Variants in PTPRK observed in about 807,000 individuals in gnomAD.
PTPRK encodes the protein protein tyrosine phosphatase receptor type K, also known as receptor-type tyrosine-protein phosphatase kappa.
In PTPRK, 75 loss-of-function variants were observed where a neutral mutation model predicts 178.0. The ratio of observed to expected loss-of-function variants is 0.42; its 90% CI spans 0.35 to 0.51. The LOEUF is 0.51. PTPRK is among the 20% of genes least tolerant of loss of function. PTPRK has a pLI of 0.02. For synonymous variants in PTPRK, 637 were observed against 620.6 expected (o/e 1.03, Z -0.39); for missense variants, 1,441 against 1,797.8 (o/e 0.80, Z 3.59).
At chr6:128,307,686 C>G (rs1376820961) in intron 3 of PTPRK, among the ~76,000 whole-genome samples, 1 of 152,004 alleles carries the variant, frequency 6.6e-6, no homozygotes, top group Non-Finnish European at 1.5e-5. Context: ...GAAAGAAACA[C>G]AAATATCAGA....
At chr6:128,093,867 T>C (rs1441542120) in intron 7 of PTPRK, among the ~76,000 whole-genome samples, 3 of 151,830 alleles carry the variant, frequency 2.0e-5, no homozygotes, top group Non-Finnish European at 4.4e-5. Context: ...TTATCAAAGA[T>C]GTTAAGCTAA....
chr6:128,136,954 C>A (rs749447407), intron 7 of PTPRK, among the ~76,000 whole-genome samples: 1 of 152,112 alleles, frequency 6.6e-6, no homozygotes, highest in African/African-American at 2.4e-5. Flanking sequence ...TCCAATAGCC[C>A]AGTGCACTAA....
intron 2 of PTPRK, among the ~76,000 whole-genome samples, chr6:128,375,559 C>A (rs1401478819): frequency 6.6e-6 from 1 of 152,118 alleles, no homozygotes; most frequent in Non-Finnish European, 1.5e-5. Flanking sequence ...GGTGGGGACA[C>A]AGCCAGATCA....
intron 3 of PTPRK, among the ~76,000 whole-genome samples, chr6:128,315,097 T>G (rs1372376183): frequency 1.3e-5 from 2 of 152,166 alleles, no homozygotes; most frequent in Admixed American, 6.5e-5. Flanking sequence ...ACTTCATCTC[T>G]TTGTAAGCCT....
chr6:128,269,887 G>A (rs1819530266), intron 3 of PTPRK, among the ~76,000 whole-genome samples: 1 of 152,008 alleles, frequency 6.6e-6, no homozygotes, highest in African/African-American at 2.4e-5. Flanking sequence ...AGGTATTATA[G>A]TCTCCCAAAG....
intron 2 of PTPRK, among the ~76,000 whole-genome samples, chr6:128,360,058 C>G (rs779321342): frequency 2.0e-5 from 3 of 152,056 alleles, no homozygotes; most frequent in Non-Finnish European, 4.4e-5. Context: ...TCTTTATAGG[C>G]AATTTTGTAT....
chr6:128,440,312 G>A (rs912159402), intron 1 of PTPRK, among the ~76,000 whole-genome samples: 1 of 152,110 alleles, frequency 6.6e-6, no homozygotes, highest in Non-Finnish European at 1.5e-5. Flanking sequence ...GGTAGGTTAT[G>A]GATGAGAGCT....
intron 1 of PTPRK, among the ~76,000 whole-genome samples, chr6:128,462,896 A>G (rs531665406): frequency 6.6e-6 from 1 of 152,164 alleles, no homozygotes; most frequent in South Asian, 2.1e-4. Context: ...ACCTTGGGTG[A>G]TCCACCTGCC....
Position 128,164,850 on chromosome 6 carries a change from A to G in PTPRK, c.1162+19582T>C, listed in dbSNP as rs370095845. Among the ~76,000 whole-genome samples, 5 of 150,334 alleles carry G rather than the reference A, an allele frequency of 3.3e-5. No individual in the cohort carries two copies. In the South Asian group the frequency reaches 6.2e-4, roughly 19 times the overall value. On this transcript the variant is annotated intron_variant, in intron 7 of 29. Transcript: ENST00000368226. Reference sequence around the variant, plus strand: ...AATATACATTAGAATGTATGTATATATTAGCATGAAAGCCAAAAAAACCAG... The same window carrying G: ...AATATACATTAGAATGTATGTATATGTTAGCATGAAAGCCAAAAAAACCAG...
At chr6:128,231,004 A>C (rs942390570) in intron 5 of PTPRK, 3 of 152,250 alleles carry the variant, frequency 2.0e-5, no homozygotes, top group Non-Finnish European at 4.4e-5. Flanking sequence ...TCTGCAAGGC[A>C]TTGATCTCTT....
At chr6:128,512,098 G>A (rs1857276106) in intron 1 of PTPRK, among the ~76,000 whole-genome samples, 1 of 152,126 alleles carries the variant, frequency 6.6e-6, no homozygotes, top group Non-Finnish European at 1.5e-5. Flanking sequence ...AAAAGTAACT[G>A]TGAAGTTCTT....
chr6:128,456,290 C>A (rs1848386473), intron 1 of PTPRK, among the ~76,000 whole-genome samples: 1 of 151,950 alleles, frequency 6.6e-6, no homozygotes, highest in Non-Finnish European at 1.5e-5. Flanking sequence ...CACATTCCAG[C>A]CAGGGAGGCA....
chr6:128,470,404 T>A (rs558691715), intron 1 of PTPRK, among the ~76,000 whole-genome samples: 5 of 137,132 alleles, frequency 3.6e-5, no homozygotes, highest in African/African-American at 1.5e-4. Context: ...CTCTAATGCG[T>A]TTTTTTTTAA....
At chr6:128,093,136 C>T (rs1448720473) in intron 7 of PTPRK, among the ~76,000 whole-genome samples, 3 of 152,162 alleles carry the variant, frequency 2.0e-5, no homozygotes, top group East Asian at 3.8e-4. Context: ...GATATATGTT[C>T]TTGCTCCTCC....
chr6:128,069,152 TAC>T (rs1782364772), intron 11 of PTPRK, among the ~76,000 whole-genome samples: 1 of 151,378 alleles, frequency 6.6e-6, no homozygotes, highest in Non-Finnish European at 1.5e-5. Flanking sequence ...ATTGATAAAT[TAC>T]AGATTTTCTT....
chr6:128,015,970 T>C (rs1204613336), intron 13 of PTPRK, among the ~76,000 whole-genome samples: 1 of 151,856 alleles, frequency 6.6e-6, no homozygotes, highest in Non-Finnish European at 1.5e-5. Flanking sequence ...AATACATATT[T>C]GATTACTACT....
intron 11 of PTPRK, among the ~76,000 whole-genome samples, chr6:128,071,974 A>G (rs1782905853): frequency 6.6e-6 from 1 of 152,076 alleles, no homozygotes; most frequent in African/African-American, 2.4e-5. Context: ...GAGTTGACTA[A>G]TTACATGAAA....
chr6:128,083,941 T>C (rs1785279986), intron 8 of PTPRK, 117 bp from the exon 9 acceptor site: 2 of 489,842 alleles, frequency 4.1e-6, no homozygotes, highest in South Asian at 1.3e-4. Flanking sequence ...TAAATAAAAA[T>C]GTGTCCTTAA....
chr6:128,225,179 A>T (rs1811071283), intron 5 of PTPRK, among the ~76,000 whole-genome samples: 1 of 152,218 alleles, frequency 6.6e-6, no homozygotes, highest in South Asian at 2.1e-4. Flanking sequence ...TGACTTGAAA[A>T]TAATCAAATT....
Sources: gnomAD v4.1 joint callset for allele counts (sites outside exome capture counted in the v4.1 genomes callset) on GRCh38, gnomAD v4.1.1 for gene constraint, MANE v1.5 for transcripts, NCBI Gene and HGNC (gene_info 2026-07-23, HGNC 2026-07-21) for gene names.